ADGRL2: variants seen among roughly 807,000 people sequenced by gnomAD.
ADGRL2 encodes the protein calcium-independent alpha-latrotoxin receptor 2.
A neutral mutation model predicts 157.4 loss-of-function variants in ADGRL2; 44 were observed. The ratio of observed to expected loss-of-function variants is 0.28; its 90% CI spans 0.22 to 0.36. The LOEUF is 0.36. Ranked by LOEUF, ADGRL2 falls within the 10% of genes least tolerant of loss-of-function variation. ADGRL2 has a pLI of 1.00. For synonymous variants in ADGRL2, 585 were observed against 624.7 expected, an observed-to-expected ratio of 0.94 and a Z score of 0.95; for missense variants, 1,510 against 1,768.9, an observed-to-expected ratio of 0.85 and a Z score of 2.63.
At chr1:81,405,391 G>A (rs934169905) in intron 1 of ADGRL2, among the ~76,000 whole-genome samples, 1 of 152,142 alleles carries the variant, frequency 6.6e-6, no homozygotes, top group East Asian at 1.9e-4. Context: ...TTTCAGGCCA[G>A]GTGTGGTGGC....
At chr1:81,717,070 C>A (rs2084142537) in intron 1 of ADGRL2, among the ~76,000 whole-genome samples, 1 of 152,106 alleles carries the variant, frequency 6.6e-6, no homozygotes, top group Non-Finnish European at 1.5e-5. Context: ...CATACATGAG[C>A]CTTTTGCCTC....
intron 2 of ADGRL2, among the ~76,000 whole-genome samples, chr1:81,874,351 G>A (rs1463889080): frequency 1.3e-5 from 2 of 152,084 alleles, no homozygotes; most frequent in Non-Finnish European, 2.9e-5. Flanking sequence ...GTTTCAGATT[G>A]ATTTACATAT....
intron 1 of ADGRL2, chr1:81,427,336 T>C (rs1409093168): frequency 1.7e-5 from 12 of 727,182 alleles, no homozygotes; most frequent in Admixed American, 3.5e-5. Flanking sequence ...GTTATAGTAG[T>C]AGAGGGGGCT....
intron 2 of ADGRL2, among the ~76,000 whole-genome samples, chr1:81,881,331 A>C (rs1166779584): frequency 2.0e-5 from 3 of 152,028 alleles, no homozygotes; most frequent in African/African-American, 7.2e-5. Context: ...GCCCGCCGCC[A>C]CGCCCGGCTA....
intron 3 of ADGRL2, among the ~76,000 whole-genome samples, chr1:81,638,313 A>G (rs979684728): frequency 6.6e-6 from 1 of 152,194 alleles, no homozygotes; most frequent in Non-Finnish European, 1.5e-5. Context: ...GAGAAAGGTC[A>G]GAAACTCAGA....
intron 2 of ADGRL2, among the ~76,000 whole-genome samples, chr1:81,853,555 T>G (rs2093093480): frequency 6.6e-6 from 1 of 152,182 alleles, no homozygotes; most frequent in South Asian, 2.1e-4. Context: ...CTGGAACATT[T>G]TATTAGGTTT....
chr1:81,864,958 C>G (rs2150875125), intron 2 of ADGRL2, among the ~76,000 whole-genome samples: 1 of 152,266 alleles, frequency 6.6e-6, no homozygotes, highest in South Asian at 2.1e-4. Flanking sequence ...TACACTCTAG[C>G]TTGGGCAATA....
intron 1 of ADGRL2, chr1:81,444,938 T>C (rs765442332): frequency 3.3e-5 from 5 of 152,242 alleles, no homozygotes; most frequent in Non-Finnish European, 5.9e-5. Flanking sequence ...AAAAAATTAA[T>C]GCACATGCTA....
intron 3 of ADGRL2, among the ~76,000 whole-genome samples, chr1:81,616,898 A>G (rs1020606593): frequency 2.2e-4 from 34 of 152,212 alleles, no homozygotes; most frequent in African/African-American, 7.9e-4. Context: ...GGCTGGTCGC[A>G]AAAGCCAGGG....
chr1:81,610,813 AGGC>A, intron 3 of ADGRL2, among the ~76,000 whole-genome samples: 1 of 152,322 alleles, frequency 6.6e-6, no homozygotes, highest in East Asian at 1.9e-4. Context: ...AGAAATTAGG[AGGC>A]AGAATGAAGG....
intron 2 of ADGRL2, among the ~76,000 whole-genome samples, chr1:81,885,190 T>C (rs565011594): frequency 1.5e-4 from 23 of 152,340 alleles, no homozygotes; most frequent in Non-Finnish European, 2.1e-4. Flanking sequence ...TATCATCTAT[T>C]TGGCAATGTC....
At chr1:81,625,182 C>G (rs1390368223) in intron 3 of ADGRL2, among the ~76,000 whole-genome samples, 3 of 152,120 alleles carry the variant, frequency 2.0e-5, no homozygotes. Context: ...CTGAATGAGA[C>G]AGAATGCTTA....
At chr1:81,663,839 T>A (rs1299605157) in intron 3 of ADGRL2, among the ~76,000 whole-genome samples, 1 of 152,212 alleles carries the variant, frequency 6.6e-6, no homozygotes, top group East Asian at 1.9e-4. Context: ...GGCTACTTGT[T>A]CTCACAGTAC....
At chr1:81,686,681 G>A (rs922125800) in intron 3 of ADGRL2, among the ~76,000 whole-genome samples, 1 of 151,940 alleles carries the variant, frequency 6.6e-6, no homozygotes, top group Admixed American at 6.6e-5. Flanking sequence ...GCTGGCTTTG[G>A]GTTTGGTTTG....
chr1:81,385,932 G>A (rs2076426731), intron 1 of ADGRL2, among the ~76,000 whole-genome samples: 1 of 151,934 alleles, frequency 6.6e-6, no homozygotes, highest in South Asian at 2.1e-4. Context: ...AGGAAAATAA[G>A]TGTTAACTTG....
At chr1:81,442,000 A>C (rs1469720637) in intron 1 of ADGRL2, among the ~76,000 whole-genome samples, 1 of 151,954 alleles carries the variant, frequency 6.6e-6, no homozygotes, top group African/African-American at 2.4e-5. Context: ...TGCCTGGTTA[A>C]TTTTTACAAT....
chr1:81,469,970 A>C (rs975766663), intron 2 of ADGRL2, among the ~76,000 whole-genome samples: 2 of 152,198 alleles, frequency 1.3e-5, no homozygotes, highest in Non-Finnish European at 2.9e-5. Context: ...AGCCATGCTT[A>C]ATAAATGTTT....
chr1:81,397,073 T>C (rs549334038), intron 1 of ADGRL2, among the ~76,000 whole-genome samples: 72 of 152,192 alleles, frequency 4.7e-4, no homozygotes, highest in Non-Finnish European at 6.8e-4. Context: ...TTTAAATCTT[T>C]GGTATAATTC....
chr1:81,966,032 C>T (rs765391682), intron 11 of ADGRL2, 26 bp from the exon 12 acceptor site: 1 of 1,606,944 alleles, frequency 6.2e-7, no homozygotes, highest in Non-Finnish European at 8.5e-7. Flanking sequence ...TTTTTCCCCA[C>T]CTCCTTTATC....
Sources: gnomAD v4.1 joint callset for allele counts (sites outside exome capture counted in the v4.1 genomes callset) on GRCh38, gnomAD v4.1.1 for gene constraint, MANE v1.5 for transcripts, NCBI Gene and HGNC (gene_info 2026-07-23, HGNC 2026-07-21) for gene names.